The following MRAP2 variants were observed in gnomAD, a reference collection of about 807,000 sequenced individuals.
The protein encoded by MRAP2 is melanocortin 2 receptor accessory protein 2.
In MRAP2, 20 loss-of-function variants were observed where a neutral mutation model predicts 17.4. That is an observed-to-expected ratio of 1.15 (90% confidence interval 0.81 to 1.67). The LOEUF (loss-of-function observed/expected upper bound fraction) is 1.67, where lower values mean the gene tolerates loss of function less well. Ranked by LOEUF, MRAP2 falls within the 40% of genes most tolerant of loss-of-function variation. The probability of loss-of-function intolerance (pLI) is 0.00; values close to 1 mark genes in which losing one functional copy is unlikely to be tolerated. For synonymous variants in MRAP2, 96 were observed against 88.4 expected (o/e 1.09, Z -0.48); for missense variants, 238 against 240.0 (o/e 0.99, Z 0.05).
rs757220476 is a variant in MRAP2, at chr6:84,089,464, C to T, written c.601C>T (p.His201Tyr). 5 of 1,613,334 alleles carry T rather than the reference C, an allele frequency of 3.1e-6. No homozygotes were observed. Among genetic ancestry groups the T allele is most frequent in the Non-Finnish European group, 4.2e-6 (5 of 1,179,732 alleles). Residue 201 changes from histidine (H) to tyrosine (Y), a missense_variant, in exon 4 of 4, where the codon CAC becomes TAC. His to Tyr is a moderately conservative substitution (Grantham distance 83, BLOSUM62 2). Coordinates refer to ENST00000257776, the MANE Select transcript of MRAP2 (RefSeq NM_138409.4). Reference protein sequence around the residue: ...LETKPLSQTSHKDLD With the variant: ...LETKPLSQTSYKDLD ...AACTAAGCCACTTTCCCAGACCTCA[C>T]ACAAAGACCTGGATTGAGAAACATG...
the MRAP2 span, among the ~76,000 whole-genome samples, chr6:84,139,513 T>G: frequency 6.6e-6 from 1 of 152,150 alleles, no homozygotes; most frequent in Non-Finnish European, 1.5e-5. Context: ...GAAAAAAAAT[T>G]TTTCCTTCCT....
the MRAP2 span, among the ~76,000 whole-genome samples, chr6:84,123,337 G>A: frequency 6.6e-6 from 1 of 150,498 alleles, no homozygotes; most frequent in Non-Finnish European, 1.5e-5. Context: ...TTGACTTCAA[G>A]GCTATAGTAA....
chr6:84,125,151 TA>T, the MRAP2 span: 5 of 1,613,598 alleles, frequency 3.1e-6, no homozygotes, highest in Non-Finnish European at 4.2e-6. Context: ...GGAGAACATC[TA>T]ATATTGAGTC....
intron 1 of MRAP2, among the ~76,000 whole-genome samples, chr6:84,049,857 T>C (rs778616297): frequency 7.2e-5 from 11 of 152,186 alleles, no homozygotes; most frequent in Non-Finnish European, 1.5e-4. Context: ...TCACCATTTT[T>C]TGAGGACTGC....
chr6:84,123,023 C>T, the MRAP2 span, among the ~76,000 whole-genome samples: 1 of 151,674 alleles, frequency 6.6e-6, no homozygotes, highest in Non-Finnish European at 1.5e-5. Context: ...CCTAGGAATA[C>T]ATTTAACCAA....
At chr6:84,044,896 G>GGTTT (rs1281083840) in intron 1 of MRAP2, among the ~76,000 whole-genome samples, 1 of 152,176 alleles carries the variant, frequency 6.6e-6, no homozygotes, top group African/African-American at 2.4e-5. Context: ...ATTGTGGATG[G>GGTTT]AAAATATTTA....
the MRAP2 span, among the ~76,000 whole-genome samples, chr6:84,103,478 A>C: frequency 1.3e-5 from 2 of 152,204 alleles, no homozygotes; most frequent in Non-Finnish European, 2.9e-5. Flanking sequence ...TAATGAGCAA[A>C]ATAGGTAAGA....
At chr6:84,131,204 A>G in the MRAP2 span, among the ~76,000 whole-genome samples, 4 of 152,172 alleles carry the variant, frequency 2.6e-5, no homozygotes, top group Admixed American at 6.5e-5. Context: ...ATTTGACTGC[A>G]CTGTGGTCTG....
At chr6:84,094,817 A>T (rs974124092), downstream of MRAP2, among the ~76,000 whole-genome samples, 27 of 151,910 alleles carry the variant, frequency 1.8e-4, no homozygotes, top group African/African-American at 6.5e-4. Context: ...TCAGCCTCCC[A>T]AGTAGCTGGG....
chr6:84,128,669 T>C, the MRAP2 span, among the ~76,000 whole-genome samples: 1 of 152,132 alleles, frequency 6.6e-6, no homozygotes, highest in Non-Finnish European at 1.5e-5. Flanking sequence ...ATAAAACACT[T>C]TGCACAGTTC....
chr6:84,084,893 AT>A (rs1491300053), intron 3 of MRAP2, among the ~76,000 whole-genome samples: 3 of 126,070 alleles, frequency 2.4e-5, no homozygotes, highest in African/African-American at 3.4e-5. Context: ...ATTTTATTTT[AT>A]TTTATTTTAT....
At chr6:84,078,711 A>G (rs2099498238) in intron 3 of MRAP2, among the ~76,000 whole-genome samples, 2 of 152,170 alleles carry the variant, frequency 1.3e-5, no homozygotes, top group Non-Finnish European at 1.5e-5. Context: ...AGTTCCCTCA[A>G]GAGTAGGCTG....
chr6:84,114,986 G>GCTCT, the MRAP2 span, among the ~76,000 whole-genome samples: 1 of 152,196 alleles, frequency 6.6e-6, no homozygotes, highest in African/African-American at 2.4e-5. Flanking sequence ...GCCAGCCAGA[G>GCTCT]CTCTCCTGTA....
intron 3 of MRAP2, among the ~76,000 whole-genome samples, chr6:84,068,613 G>A (rs1387423415): frequency 6.6e-6 from 1 of 151,448 alleles, no homozygotes; most frequent in Non-Finnish European, 1.5e-5. Context: ...CCTTTGTTAG[G>A]TTATTCCTAA....
intron 1 of MRAP2, among the ~76,000 whole-genome samples, chr6:84,053,146 C>G (rs955527953): frequency 1.3e-5 from 2 of 152,122 alleles, no homozygotes; most frequent in Non-Finnish European, 2.9e-5. Context: ...GAGAACAGCT[C>G]TCGGTTCTGT....
the MRAP2 span, among the ~76,000 whole-genome samples, chr6:84,139,251 T>C: frequency 6.6e-6 from 1 of 152,214 alleles, no homozygotes; most frequent in Non-Finnish European, 1.5e-5. Context: ...TTTCCTACCA[T>C]ATATTTACAT....
At chr6:84,123,064 G>A in the MRAP2 span, among the ~76,000 whole-genome samples, 1 of 151,818 alleles carries the variant, frequency 6.6e-6, no homozygotes, top group African/African-American at 2.4e-5. Flanking sequence ...AAGCACAGAA[G>A]AAACTGCAGA....
intron 1 of MRAP2, chr6:84,045,346 C>G (rs1478761844): frequency 3.0e-6 from 3 of 985,236 alleles, no homozygotes; most frequent in African/African-American, 3.5e-5. Flanking sequence ...CACTGAAACC[C>G]TTATGAAGGC....
intron 1 of MRAP2, among the ~76,000 whole-genome samples, chr6:84,052,180 T>C (rs1588629979): frequency 6.6e-6 from 1 of 152,174 alleles, no homozygotes; most frequent in Admixed American, 6.5e-5. Flanking sequence ...AAAATCTCGG[T>C]GCGGAGAGGG....
Sources: gnomAD v4.1 joint callset for allele counts (sites outside exome capture counted in the v4.1 genomes callset) on GRCh38, gnomAD v4.1.1 for gene constraint, MANE v1.5 for transcripts, NCBI Gene and HGNC (gene_info 2026-07-23, HGNC 2026-07-21) for gene names.